HECW2: variants seen among roughly 807,000 people sequenced by gnomAD.
HECW2 encodes HECT, C2 and WW domain containing E3 ubiquitin protein ligase 2.
HECW2 carries 61 observed loss-of-function variants against 175.2 expected under a neutral mutation model. The ratio of observed to expected loss-of-function variants is 0.35; its 90% CI spans 0.28 to 0.43. The LOEUF (loss-of-function observed/expected upper bound fraction) is 0.43. Ranked by LOEUF, HECW2 falls within the 20% of genes least tolerant of loss-of-function variation. The pLI is 1.00. For missense variants in HECW2, 1,524 were observed against 2,000.5 expected, an observed-to-expected ratio of 0.76 and a Z score of 4.54; for synonymous variants, 671 against 731.0, an observed-to-expected ratio of 0.92 and a Z score of 1.32.
intron 2 of HECW2, among the ~76,000 whole-genome samples, chr2:196,408,543 T>A (rs1695025181): frequency 6.6e-6 from 1 of 152,120 alleles, no homozygotes; most frequent in Non-Finnish European, 1.5e-5. Flanking sequence ...TAGGGTACAG[T>A]GGTAATAGTC....
At chr2:196,292,376 G>A (rs1189351133) in intron 14 of HECW2, 189 bp downstream of exon 14, 7 of 537,234 alleles carry the variant, frequency 1.3e-5, no homozygotes, top group East Asian at 1.2e-4. Flanking sequence ...CTCCCTCCAC[G>A]ACTTCAGAAT....
intron 5 of HECW2, among the ~76,000 whole-genome samples, chr2:196,329,297 G>A (rs1003789097): frequency 6.6e-6 from 1 of 152,056 alleles, no homozygotes; most frequent in Admixed American, 6.5e-5. Context: ...CCTCAGTGAG[G>A]TTAGCACATT....
At chr2:196,215,666 T>C (rs112860961) in intron 28 of HECW2, among the ~76,000 whole-genome samples, 199 bp downstream of exon 28, 3 of 152,340 alleles carry the variant, frequency 2.0e-5, no homozygotes, top group African/African-American at 4.8e-5. Flanking sequence ...TTTTAAGATA[T>C]GGATGTATGT....
At chr2:196,280,516 C>T (rs987965201) in intron 14 of HECW2, among the ~76,000 whole-genome samples, 11 of 152,130 alleles carry the variant, frequency 7.2e-5, no homozygotes, top group African/African-American at 2.4e-4. Flanking sequence ...GAAAAATGGA[C>T]AGAACAGGAA....
At chr2:196,373,963 C>T (rs1036284597) in intron 2 of HECW2, among the ~76,000 whole-genome samples, 2 of 150,732 alleles carry the variant, frequency 1.3e-5, no homozygotes, top group African/African-American at 2.4e-5. Context: ...ACCCGGGAGG[C>T]GGAGCTTGCA....
chr2:196,447,210 TG>T (rs1298926108), intron 1 of HECW2, among the ~76,000 whole-genome samples: 9 of 152,086 alleles, frequency 5.9e-5, no homozygotes, highest in East Asian at 1.9e-4. Flanking sequence ...ATTTTCCAAT[TG>T]TTTTTTTTTA....
intron 1 of HECW2, among the ~76,000 whole-genome samples, chr2:196,474,079 AT>A (rs1697325257): frequency 6.6e-6 from 1 of 152,264 alleles, no homozygotes; most frequent in South Asian, 2.1e-4. Context: ...ATCAAGTAGT[AT>A]CATCTTACTA....
intron 21 of HECW2, 27 bp downstream of exon 21, chr2:196,240,422 C>T: frequency 1.3e-6 from 2 of 1,514,110 alleles, no homozygotes; most frequent in Non-Finnish European, 1.8e-6. Context: ...GCCTATGTTC[C>T]ACAGGCCACT....
intron 21 of HECW2, among the ~76,000 whole-genome samples, 160 bp from the exon 22 acceptor site, chr2:196,228,414 C>T (rs1477867732): frequency 6.6e-6 from 1 of 152,188 alleles, no homozygotes; most frequent in Non-Finnish European, 1.5e-5. Flanking sequence ...AGTTTCTGAT[C>T]TCATTGTGTC....
intron 2 of HECW2, among the ~76,000 whole-genome samples, chr2:196,369,928 T>C (rs143226279): frequency 2.2e-4 from 33 of 152,096 alleles, no homozygotes; most frequent in African/African-American, 7.5e-4. Context: ...AGCAGTGGGC[T>C]CCCCTCTGGC....
chr2:196,463,781 G>C (rs148604777), intron 1 of HECW2, among the ~76,000 whole-genome samples: 1 of 152,236 alleles, frequency 6.6e-6, no homozygotes, highest in East Asian at 1.9e-4. Flanking sequence ...GCTACAACCA[G>C]GTGGCAGCCT....
chr2:196,526,551 G>T (rs139568315), intron 1 of HECW2, among the ~76,000 whole-genome samples: 3 of 151,536 alleles, frequency 2.0e-5, no homozygotes, highest in South Asian at 2.1e-4. Context: ...GAGGAGAGGC[G>T]CTCTGCGTTT....
intron 1 of HECW2, among the ~76,000 whole-genome samples, chr2:196,592,004 G>C (rs577163301): frequency 6.6e-6 from 1 of 152,140 alleles, no homozygotes; most frequent in Admixed American, 6.5e-5. Context: ...ATGAACCCTC[G>C]AGGGAATAGG....
At chr2:196,434,185 CCAGTGTCTACAA>C (rs1410241332) in intron 1 of HECW2, among the ~76,000 whole-genome samples, 1 of 152,188 alleles carries the variant, frequency 6.6e-6, no homozygotes, top group Non-Finnish European at 1.5e-5. Context: ...TACTTTATCC[CCAGTGTCTACAA>C]CAGTGCCTGC....
chr2:196,465,699 T>C (rs1696923957), intron 1 of HECW2, among the ~76,000 whole-genome samples: 2 of 149,896 alleles, frequency 1.3e-5, no homozygotes, highest in South Asian at 2.1e-4. Flanking sequence ...AACTGTGCCA[T>C]GCAAATACGT....
At chr2:196,511,079 C>A (rs1687937285) in intron 1 of HECW2, among the ~76,000 whole-genome samples, 1 of 152,156 alleles carries the variant, frequency 6.6e-6, no homozygotes, top group Admixed American at 6.5e-5. Context: ...GATCCATGCA[C>A]CTCTGCCTCC....
chr2:196,448,037 C>T (rs1444570246), intron 1 of HECW2, among the ~76,000 whole-genome samples: 1 of 152,162 alleles, frequency 6.6e-6, no homozygotes, highest in Non-Finnish European at 1.5e-5. Flanking sequence ...CCATCCTCGG[C>T]AATAGAGGGA....
Position 196,209,765 on chromosome 2 carries a change from CT to C in HECW2, c.4607+6099del, listed in dbSNP as rs59896485. On this transcript the variant is annotated intron_variant, in intron 28 of 28. Transcript: ENST00000644978. ...TCTGATGGTTTTTCTTTCTTTCTTT[CT>C]TTTTTTTTTTTTTTTGAGACGGAGT... Among the ~76,000 whole-genome samples the C allele has an allele frequency of 4.1e-3, 576 of 140,154 alleles. 3 individuals carry two copies. Among genetic ancestry groups the C allele is most frequent in the African/African-American group, 0.011 (407 of 37,776 alleles). The allele number at this position is 140,154 out of a possible 152,430, so 91.9% of individuals were successfully genotyped here. A position where few individuals can be genotyped will look rare whatever the true frequency, so the allele number is the denominator to read the frequency against.
At position 196,355,781 on chromosome 2, in the gene HECW2, A is replaced by C. The variant is rs570907514; in HGVS notation, c.293-12017T>G. Among the ~76,000 whole-genome samples the C allele has an allele frequency of 1.2e-3, 181 of 152,238 alleles. 1 individual carries two copies. The highest frequency in any genetic ancestry group is 4.2e-3 in the African/African-American group (174 of 41,536). On this transcript the variant is annotated intron_variant, in intron 2 of 28. Transcript: ENST00000644978. The stretch of plus-strand genomic sequence containing the variant: ...GGTGGAGATTTTGGTCTGGTGGGGA[A>C]AGTGGTCAGTAAGCAGATACATAAG...
Sources: gnomAD v4.1 joint callset for allele counts (sites outside exome capture counted in the v4.1 genomes callset) on GRCh38, gnomAD v4.1.1 for gene constraint, MANE v1.5 for transcripts, NCBI Gene and HGNC (gene_info 2026-07-23, HGNC 2026-07-21) for gene names.